The following CARD8 variants were observed in gnomAD, a reference collection of about 807,000 sequenced individuals.
The protein encoded by CARD8 is caspase recruitment domain family member 8.
In CARD8, 38 loss-of-function variants were observed where a neutral mutation model predicts 53.2. The observed-to-expected ratio is 0.71, with a 90% CI of 0.55 to 0.94. The LOEUF (loss-of-function observed/expected upper bound fraction) is 0.94. Among genes scored for constraint, CARD8 ranks in the 40% least tolerant of loss-of-function variants. CARD8 has a pLI of 0.00. For missense variants in CARD8, 561 were observed against 655.5 expected, an observed-to-expected ratio of 0.86 and a Z score of 1.57; for synonymous variants, 245 against 244.9, an observed-to-expected ratio of 1.00 and a Z score of 0.00.
chr19:48,221,643 A>T, intron 11 of CARD8, 87 bp downstream of exon 11: 1 of 944,056 alleles, frequency 1.1e-6, no homozygotes, highest in Non-Finnish European at 1.5e-6. Flanking sequence ...TAAAAGAAAA[A>T]TGTTGCATTT....
chr19:48,225,584 A>T (rs910352396), intron 10 of CARD8, among the ~76,000 whole-genome samples: 1 of 152,192 alleles, frequency 6.6e-6, no homozygotes, highest in African/African-American at 2.4e-5. Context: ...CTAGAAAGAG[A>T]CTAGAAAGAT....
chr19:48,232,440 A>T lies in CARD8; in HGVS notation c.391+13T>A. ...CCACACGCCCTTCACTCCTCTCCCT[A>T]TTAGCCCATTACCTGAATCTTGTCC... On this transcript the variant is annotated intron_variant, in intron 7 of 13. Coordinates refer to ENST00000651546, the MANE Select transcript of CARD8 (RefSeq NM_001184900.3). The T allele has an allele frequency of 6.5e-7, 1 of 1,534,040 alleles. No homozygotes were observed.
At chr19:48,224,111 G>A (rs2041259679) in intron 10 of CARD8, among the ~76,000 whole-genome samples, 1 of 152,174 alleles carries the variant, frequency 6.6e-6, no homozygotes, top group African/African-American at 2.4e-5. Flanking sequence ...ACAGGCGCAT[G>A]CCAGCACGCC....
At chr19:48,230,362 G>T in intron 10 of CARD8, 76 bp downstream of exon 10, 1 of 1,473,792 alleles carries the variant, frequency 6.8e-7, no homozygotes, top group Non-Finnish European at 9.2e-7. Context: ...TGTTCCACGA[G>T]GAACTGGAGG....
chr19:48,204,277 G>A (rs868171383), downstream of CARD8: 47 of 439,750 alleles, frequency 1.1e-4, no homozygotes, highest in Admixed American at 1.1e-3. Context: ...TAGAGACCTC[G>A]CGGGAGAAAT....
At chr19:48,204,428 G>A (rs568877504), downstream of CARD8, among the ~76,000 whole-genome samples, 5 of 152,108 alleles carry the variant, frequency 3.3e-5, no homozygotes, top group East Asian at 5.8e-4. Flanking sequence ...ATGTAATAAG[G>A]AGATTTGGGG....
Position 48,234,652 on chromosome 19 carries a change from T to C in CARD8, c.210-109A>G, listed in dbSNP as rs760298572. On this transcript the variant is annotated intron_variant, in intron 5 of 13. Coordinates refer to ENST00000651546, the MANE Select transcript of CARD8 (RefSeq NM_001184900.3). ...TAATAGCCATAGACTCAATATTTTA[T>C]CTTAGGGAAGTCATTCCTCAGGCCC... 6.9e-6 allele frequency: 7 copies of C among 1,020,914 alleles called. No homozygotes were observed. The Admixed American group carries it at 1.5e-4, about 21-fold the overall frequency. The allele number at this position is 1,020,914 out of a possible 1,614,324, so 63.2% of individuals were successfully genotyped here. A position where few individuals can be genotyped will look rare whatever the true frequency, so the allele number is the denominator to read the frequency against.
At chr19:48,204,983 T>C (rs1568591348), downstream of CARD8, among the ~76,000 whole-genome samples, 3 of 152,206 alleles carry the variant, frequency 2.0e-5, no homozygotes, top group Non-Finnish European at 2.9e-5. Flanking sequence ...AATTCAAATT[T>C]AGCTGGGCAT....
At chr19:48,206,178 G>A (rs991683332), downstream of CARD8, among the ~76,000 whole-genome samples, 1 of 152,140 alleles carries the variant, frequency 6.6e-6, no homozygotes, top group African/African-American at 2.4e-5. Flanking sequence ...GATTACAGCC[G>A]TGAGCCATCG....
Position 48,221,787 on chromosome 19 carries a change from C to T in CARD8, c.1104G>A (p.Leu368=). Residue 368 remains leucine (L), a synonymous_variant, in exon 11 of 14, where the codon CTG becomes CTA. Transcript: ENST00000651546. The part of the protein sequence containing the change: ...RLQTSPPMEP[L]NFGSSYIVSN... ...ACACAATATAACTGGAACCAAAGTT[C>T]AGGGGTTCCATTGGGGGCGAAGTCT... 6.2e-7 allele frequency: 1 copy of T among 1,609,212 alleles called. No homozygotes were observed. The highest frequency in any genetic ancestry group is 8.5e-7 in the Non-Finnish European group (1 of 1,176,526).
At chr19:48,222,533 AT>A (rs2040861558) in intron 10 of CARD8, among the ~76,000 whole-genome samples, 2 of 152,140 alleles carry the variant, frequency 1.3e-5, no homozygotes, top group African/African-American at 4.8e-5. Flanking sequence ...TACTAAAAAT[AT>A]AAAAATTAGC....
At chr19:48,247,289 A>C (rs1009009960) in intron 3 of CARD8, among the ~76,000 whole-genome samples, 2 of 152,208 alleles carry the variant, frequency 1.3e-5, no homozygotes, top group African/African-American at 4.8e-5. Flanking sequence ...GTGCCACTGC[A>C]CTCCAGCCTG....
rs2037933209 is a variant in CARD8 at position 48,211,344 on chromosome 19, T to C, written c.*366A>G. ...TCAAACGGAGTGTCCATAGGAATTA[T>C]TTTTCACATTAATCAGGAAAAGTTG... On this transcript the variant is annotated 3_prime_UTR_variant, in exon 14 of 14. Coordinates refer to ENST00000651546, the MANE Select transcript of CARD8 (RefSeq NM_001184900.3). The C allele has an allele frequency of 5.5e-6, 1 of 182,772 alleles. No homozygotes were observed. Among genetic ancestry groups the C allele is most frequent in the African/African-American group, 2.4e-5 (1 of 42,042 alleles). The allele number at this position is 182,772 out of a possible 1,614,324, so 11.3% of individuals were successfully genotyped here.
At chr19:48,229,439 T>C (rs533772576) in intron 10 of CARD8, among the ~76,000 whole-genome samples, 3 of 152,236 alleles carry the variant, frequency 2.0e-5, no homozygotes, top group African/African-American at 7.2e-5. Context: ...ACTCTAGGAA[T>C]AGTCATCTTT....
chr19:48,240,202 T>C (rs1479205204), intron 4 of CARD8, among the ~76,000 whole-genome samples: 2 of 152,188 alleles, frequency 1.3e-5, no homozygotes, highest in Admixed American at 6.5e-5. Context: ...TTTCTACAAA[T>C]GAGACATAAA....
At position 48,241,073 on chromosome 19, in the gene CARD8, T is replaced by C. The variant is rs2044939532; in HGVS notation, c.-43-10A>G. ...CTGTATCTTTTTTACCCTGAAAAAA[T>C]AAAAGGAGGTTGTATTTAGGTACTT... On this transcript the variant is annotated splice_polypyrimidine_tract_variant and intron_variant, in intron 3 of 13. Coordinates refer to ENST00000651546, the MANE Select transcript of CARD8 (RefSeq NM_001184900.3). 10 of 1,392,324 alleles carry C rather than the reference T, an allele frequency of 7.2e-6. No individual in the cohort carries two copies. The South Asian group carries it at 1.2e-4, about 17-fold the overall frequency. 86.2% of individuals were successfully genotyped at this position (1,392,324 alleles called of 1,614,324 possible).
intron 10 of CARD8, among the ~76,000 whole-genome samples, chr19:48,225,343 T>G (rs114440394): frequency 0.041 from 6,186 of 151,546 alleles, 395 homozygotes; most frequent in African/African-American, 0.13. Context: ...ATACAAGAAT[T>G]AGTGGGGTGT....
At chr19:48,217,894 G>A (rs529495387) in intron 12 of CARD8, among the ~76,000 whole-genome samples, 2 of 152,312 alleles carry the variant, frequency 1.3e-5, no homozygotes, top group East Asian at 3.9e-4. Flanking sequence ...ACATTTTCCA[G>A]AACTTTTTAA....
chr19:48,221,777 AACCAAAGTTCAGGGGTT>A lies in CARD8; in HGVS notation c.1097_1113del (p.Glu366ValfsTer7). 6.2e-7 allele frequency: 1 copy of A among 1,608,736 alleles called. No homozygotes were observed. The highest frequency in any genetic ancestry group is 1.3e-5 in the African/African-American group (1 of 74,988). On this transcript the variant is annotated frameshift_variant, in exon 11 of 14. Transcript: ENST00000651546. LOFTEE classifies it high-confidence loss of function. ...GCAGAATTAGACACAATATAACTGGAACCAAAGTTCAGGGGTTCCATTGGGGGCGAAGTCTGCAGGCG... is the reference window on the plus strand; with the variant it reads ...GCAGAATTAGACACAATATAACTGGACCATTGGGGGCGAAGTCTGCAGGCG...
Sources: gnomAD v4.1 joint callset for allele counts (sites outside exome capture counted in the v4.1 genomes callset) on GRCh38, gnomAD v4.1.1 for gene constraint, MANE v1.5 for transcripts, NCBI Gene and HGNC (gene_info 2026-07-23, HGNC 2026-07-21) for gene names.